The following LRP1B variants were observed in gnomAD, a reference collection of about 807,000 sequenced individuals.
The protein encoded by LRP1B is LDL receptor related protein 1B, also known as low-density lipoprotein receptor-related protein 1B.
LRP1B carries 217 observed loss-of-function variants against 556.6 expected under a neutral mutation model. The ratio of observed to expected loss-of-function variants is 0.39; its 90% CI spans 0.35 to 0.44. The LOEUF is 0.44. Ranked by LOEUF, LRP1B falls within the 20% of genes least tolerant of loss-of-function variation. The pLI is 1.00. For missense variants in LRP1B, 5,053 were observed against 5,620.8 expected (o/e 0.90, Z 3.23); for synonymous variants, 2,047 against 1,865.8 (o/e 1.10, Z -2.50).
chr2:141,958,531 A>G (rs753554448), intron 1 of LRP1B, among the ~76,000 whole-genome samples: 1 of 151,998 alleles, frequency 6.6e-6, no homozygotes, highest in Non-Finnish European at 1.5e-5. Context: ...AAATGAATAC[A>G]TATTGTTTAT....
At chr2:140,792,365 A>G (rs909400844) in intron 32 of LRP1B, among the ~76,000 whole-genome samples, 1 of 152,092 alleles carries the variant, frequency 6.6e-6, no homozygotes, top group African/African-American at 2.4e-5. Context: ...CCATTCTGTA[A>G]TTTCCCATCT....
chr2:141,552,170 T>A (rs1337157544), intron 2 of LRP1B, among the ~76,000 whole-genome samples: 2 of 152,080 alleles, frequency 1.3e-5, no homozygotes, highest in Admixed American at 6.6e-5. Flanking sequence ...GCAGTATCAT[T>A]GGTATCAAGG....
chr2:141,099,807 G>A (rs1302367784), intron 7 of LRP1B, among the ~76,000 whole-genome samples: 2 of 152,100 alleles, frequency 1.3e-5, no homozygotes, highest in African/African-American at 4.8e-5. Context: ...TATGTTTTGA[G>A]TTCCACCCAT....
At chr2:141,388,794 T>G (rs1241068128) in intron 3 of LRP1B, among the ~76,000 whole-genome samples, 1 of 152,140 alleles carries the variant, frequency 6.6e-6, no homozygotes, top group African/African-American at 2.4e-5. Flanking sequence ...TAGAGCTATT[T>G]AAAAATTCAG....
At chr2:140,735,153 C>T (rs1294663989) in intron 35 of LRP1B, among the ~76,000 whole-genome samples, 1 of 152,124 alleles carries the variant, frequency 6.6e-6, no homozygotes, top group Non-Finnish European at 1.5e-5. Context: ...GCATGTGGGG[C>T]AATGGTTGGG....
chr2:141,777,291 T>A (rs1049689742), intron 2 of LRP1B, among the ~76,000 whole-genome samples: 1 of 152,130 alleles, frequency 6.6e-6, no homozygotes, highest in Non-Finnish European at 1.5e-5. Context: ...AAATAGCAGA[T>A]AGAGAAGCTA....
chr2:141,238,063 A>G (rs920724200), intron 5 of LRP1B, among the ~76,000 whole-genome samples: 2 of 152,200 alleles, frequency 1.3e-5, no homozygotes, highest in Non-Finnish European at 2.9e-5. Context: ...TATGTAATTG[A>G]TAACCATTGA....
chr2:140,722,991 C>T (rs1255126839), intron 35 of LRP1B, among the ~76,000 whole-genome samples: 3 of 151,958 alleles, frequency 2.0e-5, no homozygotes, highest in Non-Finnish European at 2.9e-5. Context: ...TGCAGTGAGC[C>T]GAGATCGCGC....
At chr2:141,121,107 C>T (rs547705801) in intron 7 of LRP1B, among the ~76,000 whole-genome samples, 5 of 152,114 alleles carry the variant, frequency 3.3e-5, no homozygotes, top group African/African-American at 1.2e-4. Flanking sequence ...CTATGCGACA[C>T]TGGCAAGTAA....
chr2:141,205,526 A>AT (rs1011938152), intron 6 of LRP1B, among the ~76,000 whole-genome samples: 3 of 152,120 alleles, frequency 2.0e-5, no homozygotes, highest in African/African-American at 7.2e-5. Context: ...TATCAATAAA[A>AT]TTTTTTTCAC....
At chr2:141,234,979 C>T (rs1034087474) in intron 5 of LRP1B, among the ~76,000 whole-genome samples, 128 of 151,888 alleles carry the variant, frequency 8.4e-4, no homozygotes, top group African/African-American at 2.9e-3. Context: ...TCCCTGTTTT[C>T]ATTCCTTAAC....
At chr2:140,274,352 CTATT>C (rs753512874) in intron 85 of LRP1B, 68 bp downstream of exon 85, 70 of 1,326,898 alleles carry the variant, frequency 5.3e-5, no homozygotes, top group Middle Eastern at 3.7e-4. Flanking sequence ...AAAGTTTTTA[CTATT>C]TATTACTGAA....
intron 3 of LRP1B, among the ~76,000 whole-genome samples, chr2:141,276,849 G>C (rs963823813): frequency 6.6e-6 from 1 of 151,846 alleles, no homozygotes; most frequent in Non-Finnish European, 1.5e-5. Flanking sequence ...GTAGAGATGG[G>C]GTTTCACCCT....
At chr2:140,711,788 T>G (rs1224492936) in intron 37 of LRP1B, among the ~76,000 whole-genome samples, 1 of 152,102 alleles carries the variant, frequency 6.6e-6, no homozygotes, top group East Asian at 1.9e-4. Context: ...TTTCTTCAAT[T>G]TCATCAATTT....
intron 1 of LRP1B, among the ~76,000 whole-genome samples, chr2:141,867,141 A>G (rs1417411924): frequency 2.0e-5 from 3 of 152,212 alleles, no homozygotes; most frequent in Non-Finnish European, 4.4e-5. Flanking sequence ...GAATTAGAAG[A>G]GATAAAATCG....
intron 2 of LRP1B, among the ~76,000 whole-genome samples, chr2:141,624,032 T>TAAAAA (rs761446527): frequency 1.4e-4 from 2 of 14,446 alleles, no homozygotes; most frequent in Non-Finnish European, 3.5e-4. Context: ...AAAAAAAAAT[T>TAAAAA]AAACAAAAAA....
intron 2 of LRP1B, among the ~76,000 whole-genome samples, chr2:141,789,332 G>A (rs562066374): frequency 4.8e-4 from 73 of 151,840 alleles, no homozygotes; most frequent in African/African-American, 1.7e-3. Flanking sequence ...TTCACATGAC[G>A]AGAACTCAAG....
chr2:140,386,072 C>T (rs1683748130), intron 66 of LRP1B, 63 bp from the exon 67 acceptor site: 2 of 965,574 alleles, frequency 2.1e-6, no homozygotes, highest in Non-Finnish European at 3.3e-6. Context: ...TCACAACGTC[C>T]TCACTGCCAT....
chr2:140,533,521 A>G (rs772225043), intron 47 of LRP1B, among the ~76,000 whole-genome samples: 1 of 152,128 alleles, frequency 6.6e-6, no homozygotes, highest in Non-Finnish European at 1.5e-5. Flanking sequence ...AGGCAGGGAA[A>G]CCAGGTAAAG....
Sources: gnomAD v4.1 joint callset for allele counts (sites outside exome capture counted in the v4.1 genomes callset) on GRCh38, gnomAD v4.1.1 for gene constraint, MANE v1.5 for transcripts, NCBI Gene and HGNC (gene_info 2026-07-23, HGNC 2026-07-21) for gene names.